Variants in TOM1L2 observed in about 807,000 individuals in gnomAD.
TOM1L2 encodes target of myb1 like 2 membrane trafficking protein.
Under a neutral mutation model 67.9 loss-of-function variants are expected in TOM1L2, and 31 were observed. That is an observed-to-expected ratio of 0.46 (90% confidence interval 0.34 to 0.62). The LOEUF is 0.62. TOM1L2 is among the 20% of genes least tolerant of loss of function. TOM1L2 has a pLI of 0.01. For synonymous variants in TOM1L2, 256 were observed against 254.0 expected (o/e 1.01, Z -0.07); for missense variants, 606 against 663.5 (o/e 0.91, Z 0.95).
chr17:17,851,535 C>T (rs558687159), intron 12 of TOM1L2, among the ~76,000 whole-genome samples: 55 of 152,280 alleles, frequency 3.6e-4, no homozygotes, highest in Middle Eastern at 6.8e-3. Context: ...GGAGGAGGTG[C>T]GTGCTCCGCT....
chr17:17,910,036 A>G (rs2039276044), intron 1 of TOM1L2, among the ~76,000 whole-genome samples: 1 of 152,120 alleles, frequency 6.6e-6, no homozygotes, highest in African/African-American at 2.4e-5. Flanking sequence ...CTCTTAAAAA[A>G]CTTTTTGTTG....
At chr17:17,913,091 G>A (rs905650896) in intron 1 of TOM1L2, among the ~76,000 whole-genome samples, 42 of 151,876 alleles carry the variant, frequency 2.8e-4, no homozygotes, top group Non-Finnish European at 5.6e-4. Flanking sequence ...GCAGGCTGAG[G>A]CAGGAGAATC....
chr17:17,880,301 CAG>C (rs543455770), intron 6 of TOM1L2, among the ~76,000 whole-genome samples: 43 of 152,304 alleles, frequency 2.8e-4, no homozygotes, highest in African/African-American at 8.2e-4. Context: ...GGGAAGACGA[CAG>C]GGGAGACACC....
At chr17:17,857,174 C>G (rs1011201847) in intron 12 of TOM1L2, among the ~76,000 whole-genome samples, 1 of 152,158 alleles carries the variant, frequency 6.6e-6, no homozygotes, top group Admixed American at 6.5e-5. Flanking sequence ...AGAAGGGTCT[C>G]GATCTCCTGA....
chr17:17,882,458 G>T (rs2037774221), intron 6 of TOM1L2, among the ~76,000 whole-genome samples: 1 of 152,202 alleles, frequency 6.6e-6, no homozygotes, highest in Non-Finnish European at 1.5e-5. Context: ...GGTCCCCGGT[G>T]CCTCCCAGGC....
chr17:17,943,364 T>C (rs540210164), intron 1 of TOM1L2, among the ~76,000 whole-genome samples: 8 of 152,276 alleles, frequency 5.3e-5, no homozygotes, highest in African/African-American at 1.4e-4. Flanking sequence ...GCAGTCTCTA[T>C]AGGGGTCAGA....
At chr17:17,958,157 A>G (rs2041541145) in intron 1 of TOM1L2, among the ~76,000 whole-genome samples, 2 of 152,178 alleles carry the variant, frequency 1.3e-5, no homozygotes, top group African/African-American at 2.4e-5. Flanking sequence ...TAGGTCTGAA[A>G]TGAACTTGGA....
At chr17:17,890,614 T>A (rs1402940463) in intron 4 of TOM1L2, among the ~76,000 whole-genome samples, 2 of 152,018 alleles carry the variant, frequency 1.3e-5, no homozygotes, top group Admixed American at 1.3e-4. Flanking sequence ...CAGGCAACAA[T>A]GCGTGTGACA....
intron 11 of TOM1L2, chr17:17,862,463 G>C (rs2036609384): frequency 2.9e-6 from 1 of 348,550 alleles, no homozygotes; most frequent in African/African-American, 2.1e-5. Context: ...AAAGAGAAAA[G>C]CTGTCTCTTA....
chr17:17,853,830 C>T (rs530969800), intron 12 of TOM1L2, among the ~76,000 whole-genome samples: 7 of 152,332 alleles, frequency 4.6e-5, no homozygotes, highest in African/African-American at 1.7e-4. Context: ...GAGGCAGGAG[C>T]AGGGGACAGA....
chr17:17,907,050 G>A (rs780099057), intron 2 of TOM1L2, among the ~76,000 whole-genome samples: 2 of 152,244 alleles, frequency 1.3e-5, no homozygotes, highest in East Asian at 1.9e-4. Context: ...CCATGGACAC[G>A]GTGGTGCTCT....
intron 7 of TOM1L2, among the ~76,000 whole-genome samples, chr17:17,871,595 C>T (rs1186692451): frequency 5.9e-5 from 9 of 152,124 alleles, no homozygotes; most frequent in South Asian, 4.1e-4. Flanking sequence ...TGCTTGAATC[C>T]GGGAGGCAGA....
intron 1 of TOM1L2, among the ~76,000 whole-genome samples, chr17:17,950,799 AGCATAGGTG>A (rs1289521479): frequency 6.6e-6 from 1 of 152,258 alleles, no homozygotes; most frequent in African/African-American, 2.4e-5. Context: ...AATCTGTGAC[AGCATAGGTG>A]GCTCATAGAT....
intron 1 of TOM1L2, among the ~76,000 whole-genome samples, chr17:17,944,987 C>T (rs1251832504): frequency 4.6e-5 from 7 of 152,170 alleles, no homozygotes; most frequent in East Asian, 1.9e-4. Context: ...AGATGCTGCC[C>T]GCACTGCCGC....
chr17:17,945,188 C>G (rs888921338), intron 1 of TOM1L2, among the ~76,000 whole-genome samples: 1 of 151,660 alleles, frequency 6.6e-6, no homozygotes, highest in South Asian at 2.1e-4. Context: ...CAGTCATTAG[C>G]TAAGAAACAG....
chr17:17,931,381 A>G lies in TOM1L2; in HGVS notation c.53-23850T>C, dbSNP rs538730898. 2.6e-5 allele frequency among the ~76,000 whole-genome samples: 4 copies of G among 152,318 alleles called. No individual in the cohort carries two copies. In the East Asian group the frequency reaches 5.8e-4, roughly 22 times the overall value. ...CAGCAAGATCTTTGGAGTCAGACCA[A>G]TTGAGCTCAAATCTGATTCAGCTGC... On this transcript the variant is annotated intron_variant, in intron 1 of 14. Transcript: ENST00000379504.
intron 1 of TOM1L2, among the ~76,000 whole-genome samples, chr17:17,938,409 T>C (rs1202227034): frequency 1.3e-5 from 2 of 152,168 alleles, no homozygotes; most frequent in African/African-American, 2.4e-5. Context: ...GGCCTGAAGC[T>C]GCCTTCTTCA....
chr17:17,893,864 C>A, intron 3 of TOM1L2, 54 bp from the exon 4 acceptor site: 1 of 1,577,962 alleles, frequency 6.3e-7, no homozygotes, highest in Non-Finnish European at 8.6e-7. Flanking sequence ...GGAGAAGACA[C>A]TGGGAACTGA....
chr17:17,888,236 T>C (rs1427843352), intron 4 of TOM1L2, among the ~76,000 whole-genome samples: 1 of 152,134 alleles, frequency 6.6e-6, no homozygotes, highest in East Asian at 1.9e-4. Context: ...GGCTACAAGA[T>C]TAGGGGCTTG....
Sources: gnomAD v4.1 joint callset for allele counts (sites outside exome capture counted in the v4.1 genomes callset) on GRCh38, gnomAD v4.1.1 for gene constraint, MANE v1.5 for transcripts, NCBI Gene and HGNC (gene_info 2026-07-23, HGNC 2026-07-21) for gene names.